Variants in COL24A1 observed in about 807,000 individuals in gnomAD.
The protein encoded by COL24A1 is collagen alpha-1(XXIV) chain.
Under a neutral mutation model 253.9 loss-of-function variants are expected in COL24A1, and 224 were observed. The observed-to-expected ratio is 0.88, with a 90% CI of 0.79 to 0.99. The LOEUF is 0.99. Ranked by LOEUF, COL24A1 falls within the 50% of genes least tolerant of loss-of-function variation. The probability of loss-of-function intolerance (pLI) is 0.00; values close to 1 mark genes in which losing one functional copy is unlikely to be tolerated. For missense variants in COL24A1, 2,131 were observed against 2,068.5 expected (o/e 1.03, Z -0.59); for synonymous variants, 685 against 673.7 (o/e 1.02, Z -0.26).
intron 27 of COL24A1, 119 bp from the exon 28 acceptor site, chr1:85,907,366 C>T (rs1034104649): frequency 7.8e-6 from 6 of 773,766 alleles, no homozygotes; most frequent in Middle Eastern, 6.1e-4. Context: ...ATTGATTAGT[C>T]TTCCTTAAAA....
At chr1:85,760,770 G>A (rs1666771497) in intron 55 of COL24A1, among the ~76,000 whole-genome samples, 1 of 152,152 alleles carries the variant, frequency 6.6e-6, no homozygotes, top group African/African-American at 2.4e-5. Context: ...GATGGAGAGA[G>A]ACCTTTCATA....
intron 1 of COL24A1, among the ~76,000 whole-genome samples, chr1:86,151,190 T>G (rs187673093): frequency 6.6e-6 from 1 of 152,216 alleles, no homozygotes; most frequent in Admixed American, 6.5e-5. Context: ...CCAATACTAT[T>G]TAAGTAACCT....
intron 24 of COL24A1, among the ~76,000 whole-genome samples, chr1:85,957,188 C>A (rs942536848): frequency 1.3e-5 from 2 of 152,026 alleles, no homozygotes; most frequent in African/African-American, 4.8e-5. Flanking sequence ...CAGGGCCTGT[C>A]AGGGGATGGG....
intron 51 of COL24A1, among the ~76,000 whole-genome samples, chr1:85,782,193 T>A (rs1397790688): frequency 2.0e-5 from 3 of 152,074 alleles, no homozygotes; most frequent in Non-Finnish European, 2.9e-5. Context: ...TTCAAGTGAG[T>A]CTCCTGCTTC....
At chr1:85,862,208 T>G (rs1679231279) in intron 37 of COL24A1, among the ~76,000 whole-genome samples, 1 of 152,190 alleles carries the variant, frequency 6.6e-6, no homozygotes, top group South Asian at 2.1e-4. Flanking sequence ...ATTATAACAT[T>G]TGAGGATCAG....
At chr1:85,883,668 C>T (rs564135242) in intron 32 of COL24A1, 7 of 152,240 alleles carry the variant, frequency 4.6e-5, no homozygotes, top group Admixed American at 3.3e-4. Flanking sequence ...CATTTTCTTT[C>T]TTTTTTTAAA....
At chr1:85,852,862 C>T (rs769608848) in intron 37 of COL24A1, among the ~76,000 whole-genome samples, 5 of 152,110 alleles carry the variant, frequency 3.3e-5, no homozygotes, top group Admixed American at 6.5e-5. Flanking sequence ...GTTGCCCAGG[C>T]GGGACTTGAA....
chr1:86,071,019 A>G (rs1701837885), intron 7 of COL24A1, among the ~76,000 whole-genome samples: 1 of 152,224 alleles, frequency 6.6e-6, no homozygotes, highest in African/African-American at 2.4e-5. Context: ...ATAAAAAATA[A>G]TAACTACAAC....
chr1:85,926,576 C>T (rs1245824654), intron 24 of COL24A1, among the ~76,000 whole-genome samples: 4 of 151,776 alleles, frequency 2.6e-5, no homozygotes, highest in African/African-American at 9.7e-5. Flanking sequence ...GACATAAGAC[C>T]AAACACTGCA....
chr1:85,811,442 C>CAT (rs948767910), intron 47 of COL24A1, among the ~76,000 whole-genome samples: 44 of 151,972 alleles, frequency 2.9e-4, no homozygotes, highest in Admixed American at 1.2e-3. Context: ...AGTTCTTTTG[C>CAT]ATATATATAT....
At chr1:86,091,854 A>G (rs1703514062) in intron 6 of COL24A1, among the ~76,000 whole-genome samples, 1 of 152,144 alleles carries the variant, frequency 6.6e-6, no homozygotes, top group Non-Finnish European at 1.5e-5. Flanking sequence ...TCTCACAGAG[A>G]GTACCATGGT....
At chr1:86,082,752 T>C (rs1442042062) in intron 7 of COL24A1, among the ~76,000 whole-genome samples, 1 of 146,552 alleles carries the variant, frequency 6.8e-6, no homozygotes, top group Non-Finnish European at 1.5e-5. Context: ...ACTTTAATGA[T>C]TTACTTTTGT....
At chr1:85,936,698 C>T (rs113721603) in intron 24 of COL24A1, among the ~76,000 whole-genome samples, 1 of 147,052 alleles carries the variant, frequency 6.8e-6, no homozygotes, top group Non-Finnish European at 1.5e-5. Context: ...GGCCACATGA[C>T]CTGGCAGACC....
chr1:85,780,826 C>T (rs1669065928), intron 52 of COL24A1, among the ~76,000 whole-genome samples: 1 of 152,166 alleles, frequency 6.6e-6, no homozygotes, highest in Non-Finnish European at 1.5e-5. Flanking sequence ...TTGCTATTCT[C>T]TCGAACGATT....
chr1:86,031,015 G>A (rs1316325236), intron 14 of COL24A1, among the ~76,000 whole-genome samples: 1 of 152,098 alleles, frequency 6.6e-6, no homozygotes, highest in Non-Finnish European at 1.5e-5. Flanking sequence ...CATGTTTATT[G>A]CAGCACTATT....
chr1:85,803,465 A>AACAAAAACAAC (rs1671649270), intron 47 of COL24A1, among the ~76,000 whole-genome samples: 1 of 151,682 alleles, frequency 6.6e-6, no homozygotes, highest in African/African-American at 2.4e-5. Flanking sequence ...AACAAAACAA[A>AACAAAAACAAC]ACAAAACAAA....
chr1:85,747,171 G>A (rs539440855), intron 55 of COL24A1, among the ~76,000 whole-genome samples: 6 of 145,584 alleles, frequency 4.1e-5, no homozygotes, highest in Non-Finnish European at 7.4e-5. Flanking sequence ...AAGTGCAGTG[G>A]TGCGATCTCG....
At chr1:85,880,724 G>GTTT (rs34218225) in intron 32 of COL24A1, among the ~76,000 whole-genome samples, 177 of 150,552 alleles carry the variant, frequency 1.2e-3, no homozygotes, top group African/African-American at 3.8e-3. Context: ...AAGTTTGAGA[G>GTTT]TTTTTTTTTT....
chr1:85,764,057 T>C (rs532544777), intron 53 of COL24A1, among the ~76,000 whole-genome samples: 5 of 152,342 alleles, frequency 3.3e-5, no homozygotes, highest in Non-Finnish European at 7.3e-5. Context: ...CTTTATGTCA[T>C]TTCCCTTATG....
Sources: allele counts gnomAD v4.1 joint callset (sites outside exome capture counted in the v4.1 genomes callset), GRCh38; gene constraint gnomAD v4.1.1; transcripts MANE v1.5; gene names NCBI Gene and HGNC (gene_info 2026-07-23, HGNC 2026-07-21).